Variants in BACH2 observed in about 807,000 individuals in gnomAD.
BACH2 encodes the protein BACH transcriptional regulator 2, also known as transcription regulator protein BACH2.
In BACH2, 5 loss-of-function variants were observed where a neutral mutation model predicts 61.8. The observed-to-expected ratio is 0.08, with a 90% CI of 0.04 to 0.17. BACH2 has a LOEUF of 0.17. Ranked by LOEUF, BACH2 falls within the 10% of genes least tolerant of loss-of-function variation. The probability of loss-of-function intolerance (pLI) is 1.00; values close to 1 mark genes in which losing one functional copy is unlikely to be tolerated. For synonymous variants in BACH2, 446 were observed against 440.1 expected (o/e 1.01, Z -0.17); for missense variants, 824 against 1,091.1 (o/e 0.76, Z 3.45).
At chr6:90,011,821 G>A (rs182792945) in intron 5 of BACH2, among the ~76,000 whole-genome samples, 2 of 145,432 alleles carry the variant, frequency 1.4e-5, no homozygotes, top group South Asian at 2.2e-4. Context: ...CTTGGGAGGC[G>A]GAGACAGGAG....
At chr6:89,970,108 A>C (rs1775278021) in intron 6 of BACH2, among the ~76,000 whole-genome samples, 1 of 152,248 alleles carries the variant, frequency 6.6e-6, no homozygotes, top group Non-Finnish European at 1.5e-5. Flanking sequence ...GTGAAATTAT[A>C]AAGTGTCTAA....
chr6:90,020,309 A>G (rs77843612), intron 5 of BACH2, among the ~76,000 whole-genome samples: 7,294 of 152,218 alleles, frequency 0.048, 577 homozygotes, highest in African/African-American at 0.17. Context: ...TTAATCCCCA[A>G]TGTGGCAGCA....
Position 89,950,970 on chromosome 6 carries a change from C to G in BACH2, c.1136G>C (p.Gly379Ala). 1 of 1,574,306 alleles carries G rather than the reference C, an allele frequency of 6.4e-7. No homozygotes were observed. The highest frequency in any genetic ancestry group is 8.6e-7 in the Non-Finnish European group (1 of 1,160,744). ...ACPFDKGITQGDLKTDYTPFT... is the reference protein window; with the variant it reads ...ACPFDKGITQADLKTDYTPFT... Reference sequence around the variant, plus strand: ...AGGGGTGTAGTCAGTTTTAAGGTCACCCTGAGTGATCCCCTTGTCAAAAGG... The same window carrying G: ...AGGGGTGTAGTCAGTTTTAAGGTCAGCCTGAGTGATCCCCTTGTCAAAAGG... The change falls in exon 7 of 9, where the codon GGT (glycine) becomes GCT (alanine). Residue 379 changes from glycine (G) to alanine (A), a missense_variant. Physicochemically the swap from Gly to Ala is moderately conservative, Grantham distance 60. Around this residue, in one of 8 missense-constraint regions of BACH2, gnomAD observed 226 missense variants for 228.5 expected, o/e 0.99. Coordinates refer to ENST00000257749, the MANE Select transcript of BACH2 (RefSeq NM_021813.4). This position sits in a 1 kb window ranked among gnomAD's most constrained non-coding sequence, Gnocchi z 5.3.
chr6:90,202,877 T>C (rs1308543086), intron 4 of BACH2, among the ~76,000 whole-genome samples: 1 of 152,190 alleles, frequency 6.6e-6, no homozygotes, highest in Non-Finnish European at 1.5e-5. Context: ...GCACTGAACG[T>C]ACACCATCCT....
intron 1 of BACH2, among the ~76,000 whole-genome samples, chr6:90,274,043 T>C (rs967946099): frequency 1.3e-5 from 2 of 152,214 alleles, no homozygotes; most frequent in Non-Finnish European, 2.9e-5. Flanking sequence ...AGGACAGTAA[T>C]ATGCAGAGAT....
At chr6:90,120,048 T>C (rs1374081403) in intron 4 of BACH2, among the ~76,000 whole-genome samples, 1 of 152,234 alleles carries the variant, frequency 6.6e-6, no homozygotes, top group East Asian at 1.9e-4. Context: ...TAGCTCTTGC[T>C]AGCAGTGTGA....
At chr6:90,049,817 CAAAGT>C (rs1779951210) in intron 5 of BACH2, among the ~76,000 whole-genome samples, 2 of 152,144 alleles carry the variant, frequency 1.3e-5, no homozygotes, top group Admixed American at 6.5e-5. Context: ...TGCTGCAAAC[CAAAGT>C]AAGATTGTCA....
At chr6:90,274,443 G>T (rs1285018002) in intron 1 of BACH2, among the ~76,000 whole-genome samples, 2 of 152,194 alleles carry the variant, frequency 1.3e-5, no homozygotes, top group Non-Finnish European at 2.9e-5. Flanking sequence ...CAACAGGCAA[G>T]TCAGAAGCAG....
rs951536211 is a variant in BACH2, at chr6:89,931,149, C to G, written c.*1259G>C. The G allele has an allele frequency of 2.0e-5, 3 of 152,364 alleles. No individual in the cohort carries two copies. Among genetic ancestry groups the G allele is most frequent in the African/African-American group, 7.2e-5 (3 of 41,450 alleles). 9.4% of individuals were successfully genotyped at this position (152,364 alleles called of 1,614,324 possible). A position where few individuals can be genotyped will look rare whatever the true frequency, so the allele number is the denominator to read the frequency against. On this transcript the variant is annotated 3_prime_UTR_variant, in exon 9 of 9. Transcript: ENST00000257749. ...TACTCCCTGGGTGAAAACTTTCTAA[C>G]TTGATTTCTAGGAGCCAATGCCTGC...
chr6:90,060,957 AT>A (rs1033089113), intron 5 of BACH2, among the ~76,000 whole-genome samples: 2 of 151,894 alleles, frequency 1.3e-5, no homozygotes, highest in African/African-American at 4.8e-5. Flanking sequence ...AGCTACTTGT[AT>A]TTTTTTTCTT....
Position 90,069,197 on chromosome 6 carries a change from C to T in BACH2, c.-13+19764G>A, listed in dbSNP as rs540200281. Among the ~76,000 whole-genome samples the T allele has an allele frequency of 1.1e-4, 16 of 152,206 alleles. No individual in the cohort carries two copies. In the South Asian group the frequency reaches 1.2e-3, roughly 12 times the overall value. On this transcript the variant is annotated intron_variant, in intron 5 of 8. Transcript: ENST00000257749. ...TCACTTCAGTATCTGCCCCACAGTC[C>T]GCTGCTGGGTCTGAGACAAGGACTT...
Position 89,950,665 on chromosome 6 carries a change from A to G in BACH2, c.1441T>C (p.Ser481Pro), listed in dbSNP as rs1774029018. 1 of 1,613,956 alleles carries G rather than the reference A, an allele frequency of 6.2e-7. No homozygotes were observed. Among genetic ancestry groups the G allele is most frequent in the Non-Finnish European group, 8.5e-7 (1 of 1,180,008 alleles). The change falls in exon 7 of 9, where the codon TCC (serine) becomes CCC (proline). Residue 481 changes from serine (S) to proline (P), a missense_variant. This residue lies in a region of BACH2 where 102 missense variants were observed against 98.1 expected (regional missense o/e 1.04). Coordinates refer to ENST00000257749, the MANE Select transcript of BACH2 (RefSeq NM_021813.4). This position sits in a 1 kb window ranked among gnomAD's most constrained non-coding sequence, Gnocchi z 5.3. ...TGGTCGGCCATCAGCCCACCGTGGG[A>G]GTAGGCCTGCGAGCTGGGGAGGGAC... Reference protein sequence around the residue: ...GQSLPSSQAYSHGGLMADHLP... With the variant: ...GQSLPSSQAYPHGGLMADHLP...
intron 3 of BACH2, among the ~76,000 whole-genome samples, chr6:90,245,548 A>C (rs1247903790): frequency 1.3e-5 from 2 of 152,242 alleles, no homozygotes; most frequent in Non-Finnish European, 2.9e-5. Context: ...TGGTTGACAG[A>C]ACGAGATCCC....
chr6:90,006,712 G>T (rs1777424773), intron 6 of BACH2, among the ~76,000 whole-genome samples: 1 of 151,734 alleles, frequency 6.6e-6, no homozygotes, highest in Non-Finnish European at 1.5e-5. Flanking sequence ...GATCTCCTGG[G>T]CTCAAGCAAT....
chr6:90,069,313 T>C (rs1015304268), intron 5 of BACH2, among the ~76,000 whole-genome samples: 2 of 152,308 alleles, frequency 1.3e-5, no homozygotes, highest in South Asian at 2.1e-4. Context: ...AGTAAAACAG[T>C]TGAAATTTAT....
At chr6:90,054,401 C>T (rs536352970) in intron 5 of BACH2, among the ~76,000 whole-genome samples, 247 of 152,308 alleles carry the variant, frequency 1.6e-3, no homozygotes, top group South Asian at 6.0e-3. Context: ...AACTGCAAGG[C>T]GGCAGCGAGG....
At chr6:90,093,456 T>C (rs1782256163) in intron 4 of BACH2, among the ~76,000 whole-genome samples, 1 of 152,220 alleles carries the variant, frequency 6.6e-6, no homozygotes, top group African/African-American at 2.4e-5. Context: ...GATGGAAATA[T>C]TCAATATCTC....
intron 3 of BACH2, among the ~76,000 whole-genome samples, chr6:90,214,574 G>A (rs1468005498): frequency 1.3e-5 from 2 of 152,094 alleles, no homozygotes; most frequent in African/African-American, 4.8e-5. Flanking sequence ...CAAGCTATAA[G>A]TAGGATGTTA....
At chr6:90,210,350 C>T (rs960800489) in intron 3 of BACH2, among the ~76,000 whole-genome samples, 11 of 146,660 alleles carry the variant, frequency 7.5e-5, no homozygotes, top group Non-Finnish European at 1.5e-4. Flanking sequence ...CACACACACA[C>T]GCACATGCAC....
Sources: gnomAD v4.1 joint callset for allele counts (sites outside exome capture counted in the v4.1 genomes callset) on GRCh38, gnomAD v4.1.1 for gene constraint, gnomAD v4.1.1 regional missense constraint, Gnocchi (gnomAD v3.1) non-coding constraint, MANE v1.5 for transcripts, NCBI Gene and HGNC (gene_info 2026-07-23, HGNC 2026-07-21) for gene names.